CNTN1: variants seen among roughly 807,000 people sequenced by gnomAD.
The protein encoded by CNTN1 is contactin-1.
A neutral mutation model predicts 126.4 loss-of-function variants in CNTN1; 38 were observed. That is an observed-to-expected ratio of 0.30 (90% CI 0.23 to 0.39). CNTN1 has a LOEUF of 0.39. Among genes scored for constraint, CNTN1 ranks in the 10% least tolerant of loss-of-function variants. CNTN1 has a pLI of 1.00. For missense variants in CNTN1, 1,009 were observed against 1,248.4 expected (o/e 0.81, Z 2.89); for synonymous variants, 413 against 422.6 (o/e 0.98, Z 0.28).
intron 1 of CNTN1, among the ~76,000 whole-genome samples, chr12:40,794,109 C>T (rs1225527023): frequency 6.6e-6 from 1 of 151,872 alleles, no homozygotes; most frequent in African/African-American, 2.4e-5. Context: ...GTTTAATAAC[C>T]CTATCATTGT....
intron 4 of CNTN1, among the ~76,000 whole-genome samples, chr12:40,919,906 G>A (rs73126519): frequency 0.013 from 2,027 of 152,176 alleles, 43 homozygotes; most frequent in African/African-American, 0.046. Context: ...CATATATAAT[G>A]AGAGCCTATT....
At chr12:40,986,015 C>T (rs1228246844) in intron 16 of CNTN1, among the ~76,000 whole-genome samples, 1 of 152,136 alleles carries the variant, frequency 6.6e-6, no homozygotes, top group Non-Finnish European at 1.5e-5. Context: ...TTTTGACCTT[C>T]TGCTTTATTG....
chr12:40,966,354 A>C (rs1158559720), intron 15 of CNTN1, among the ~76,000 whole-genome samples: 1 of 151,940 alleles, frequency 6.6e-6, no homozygotes, highest in Non-Finnish European at 1.5e-5. Flanking sequence ...AGCCATCCTG[A>C]CCCCACTCTG....
chr12:40,873,915 T>C (rs1288884657), intron 1 of CNTN1, among the ~76,000 whole-genome samples: 1 of 152,110 alleles, frequency 6.6e-6, no homozygotes, highest in African/African-American at 2.4e-5. Flanking sequence ...GTACATTACC[T>C]CTCATCCTTC....
intron 1 of CNTN1, among the ~76,000 whole-genome samples, chr12:40,783,529 T>C (rs1267519402): frequency 6.6e-6 from 1 of 152,116 alleles, no homozygotes; most frequent in African/African-American, 2.4e-5. Context: ...GCAAATTACA[T>C]AGAACACAAC....
intron 23 of CNTN1, among the ~76,000 whole-genome samples, chr12:41,063,163 C>G (rs2121119968): frequency 6.6e-6 from 1 of 152,322 alleles, no homozygotes; most frequent in East Asian, 1.9e-4. Flanking sequence ...AAAATGGATC[C>G]AGTACTCTGA....
At chr12:40,754,457 A>G (rs1938523057) in intron 1 of CNTN1, among the ~76,000 whole-genome samples, 1 of 152,054 alleles carries the variant, frequency 6.6e-6, no homozygotes, top group Admixed American at 6.6e-5. Context: ...TAGTTGTTAT[A>G]CTGTATTTTT....
At chr12:40,910,196 T>C in intron 3 of CNTN1, 91 bp downstream of exon 3, 1 of 1,019,296 alleles carries the variant, frequency 9.8e-7, no homozygotes, top group East Asian at 2.4e-5. Context: ...CTCTAAACTT[T>C]AAGGCAAATG....
intron 23 of CNTN1, among the ~76,000 whole-genome samples, chr12:41,060,247 C>G (rs998697208): frequency 1.3e-5 from 2 of 152,060 alleles, no homozygotes; most frequent in African/African-American, 2.4e-5. Flanking sequence ...TTGCAAGGGA[C>G]AGTCTTTCTT....
At chr12:40,962,630 C>T (rs924409929) in intron 15 of CNTN1, among the ~76,000 whole-genome samples, 1 of 152,006 alleles carries the variant, frequency 6.6e-6, no homozygotes, top group Non-Finnish European at 1.5e-5. Flanking sequence ...TAGAAAATGT[C>T]CCCGATAATA....
chr12:40,738,820 C>G (rs548113304), intron 1 of CNTN1, among the ~76,000 whole-genome samples: 4 of 152,122 alleles, frequency 2.6e-5, no homozygotes, highest in African/African-American at 7.2e-5. Context: ...AATTAAAAAG[C>G]ATAGCAGTGG....
chr12:41,009,395 G>A (rs1224653088), intron 17 of CNTN1, among the ~76,000 whole-genome samples: 1 of 152,176 alleles, frequency 6.6e-6, no homozygotes, highest in Non-Finnish European at 1.5e-5. Flanking sequence ...GGGACCAGTA[G>A]AGCCACTGCA....
intron 15 of CNTN1, among the ~76,000 whole-genome samples, chr12:40,965,352 A>G (rs970770308): frequency 1.3e-5 from 2 of 152,096 alleles, no homozygotes; most frequent in Admixed American, 6.6e-5. Context: ...ATTGTACTAG[A>G]CTTTCTCCAG....
intron 14 of CNTN1, among the ~76,000 whole-genome samples, chr12:40,953,545 G>A (rs1946762187): frequency 6.6e-6 from 1 of 151,950 alleles, no homozygotes; most frequent in African/African-American, 2.4e-5. Flanking sequence ...AAGTTTTATT[G>A]CTACATGTTC....
chr12:40,919,493 T>C (rs1160841358), intron 4 of CNTN1, among the ~76,000 whole-genome samples: 1 of 152,186 alleles, frequency 6.6e-6, no homozygotes, highest in African/African-American at 2.4e-5. Flanking sequence ...AATGGTTCCA[T>C]GAAGACAAAA....
At chr12:40,944,998 G>A (rs1378408541) in intron 14 of CNTN1, among the ~76,000 whole-genome samples, 2 of 152,004 alleles carry the variant, frequency 1.3e-5, no homozygotes, top group Non-Finnish European at 2.9e-5. Flanking sequence ...ATTTAGGATT[G>A]TTTAAGTCCC....
chr12:40,989,281 C>T (rs1948044034), intron 16 of CNTN1, among the ~76,000 whole-genome samples: 1 of 152,086 alleles, frequency 6.6e-6, no homozygotes, highest in Non-Finnish European at 1.5e-5. Context: ...GGTACAAGTC[C>T]ATTTATGAAG....
rs1043168142 is a variant in CNTN1 at position 41,069,891 on chromosome 12, G to A, written c.2981-68G>A. Reference sequence around the variant, plus strand: ...GCTATGCAATCTCGCCTTAGCTGAAGCAGACTAAATGAGCAATAGTGACAT... The same window carrying A: ...GCTATGCAATCTCGCCTTAGCTGAAACAGACTAAATGAGCAATAGTGACAT... On this transcript the variant is annotated intron_variant, in intron 23 of 23. Transcript: ENST00000551295. The A allele has an allele frequency of 2.6e-5, 34 of 1,297,084 alleles. 1 individual carries two copies. The South Asian group carries it at 3.9e-4, about 15-fold the overall frequency. The allele number at this position is 1,297,084 out of a possible 1,614,324, so 80.3% of individuals were successfully genotyped here.
intron 1 of CNTN1, among the ~76,000 whole-genome samples, chr12:40,824,980 C>T (rs1034311903): frequency 3.3e-5 from 5 of 152,130 alleles, no homozygotes; most frequent in African/African-American, 1.2e-4. Flanking sequence ...AGTATCATAG[C>T]GACCGTGTGC....
Sources: allele counts gnomAD v4.1 joint callset (sites outside exome capture counted in the v4.1 genomes callset), GRCh38; gene constraint gnomAD v4.1.1; transcripts MANE v1.5; gene names NCBI Gene and HGNC (gene_info 2026-07-23, HGNC 2026-07-21).